The following B4GALT2 variants were observed in gnomAD, a reference collection of about 807,000 sequenced individuals.
B4GALT2 encodes the protein beta-1,4-galactosyltransferase 2.
B4GALT2 carries 18 observed loss-of-function variants against 33.2 expected under a neutral mutation model. The ratio of observed to expected loss-of-function variants is 0.54; its 90% CI spans 0.38 to 0.80. The LOEUF is 0.80. Ranked by LOEUF, B4GALT2 falls within the 30% of genes least tolerant of loss-of-function variation. The probability of loss-of-function intolerance (pLI) is 0.00; values close to 1 mark genes in which losing one functional copy is unlikely to be tolerated. For synonymous variants in B4GALT2, 214 were observed against 217.6 expected, an observed-to-expected ratio of 0.98 and a Z score of 0.15; for missense variants, 404 against 526.2, an observed-to-expected ratio of 0.77 and a Z score of 2.27.
At position 43,979,330 on chromosome 1, in the gene B4GALT2, A is replaced by T. The variant is rs2085567369; in HGVS notation, c.-234A>T. On this transcript the variant is annotated 5_prime_UTR_variant, in exon 1 of 7. The change abolishes an upstream ATG in the 5' untranslated region. Transcript: ENST00000372324. The surrounding 1 kb of genome is among the most constrained non-coding windows in gnomAD (Gnocchi z 4.8). ...CTGCCCCCCGGGGCGGCTCGGCTCC[A>T]TGGCCCGCGGCGGCGGCGGCGGCGG... 2 of 143,630 alleles carry T rather than the reference A, an allele frequency of 1.4e-5. No homozygotes were observed. The highest frequency in any genetic ancestry group is 3.7e-4 in the South Asian group (2 of 5,392). The allele number at this position is 143,630 out of a possible 1,614,324, so 8.9% of individuals were successfully genotyped here.
At chr1:43,989,796 C>T (rs569191923) in intron 6 of B4GALT2, among the ~76,000 whole-genome samples, 184 of 152,226 alleles carry the variant, frequency 1.2e-3, no homozygotes, top group Non-Finnish European at 2.0e-3. Flanking sequence ...GGAACAGGGG[C>T]GTAGGGGTCA....
rs374536791 is a variant in B4GALT2, at chr1:43,981,626, G to T, written c.314-63G>T. 22 of 1,551,118 alleles carry T rather than the reference G, an allele frequency of 1.4e-5. No homozygotes were observed. In the African/African-American group the frequency reaches 3.0e-4, roughly 21 times the overall value. On this transcript the variant is annotated intron_variant, in intron 2 of 6. Transcript: ENST00000372324. This position sits in a 1 kb window ranked among gnomAD's most constrained non-coding sequence, Gnocchi z 8.1. The stretch of plus-strand genomic sequence containing the variant: ...TCCCTAGCCCACCCCCAGGCTGAGG[G>T]TGGGGGCTGGTATCTGTGGATTCTG...
At position 43,981,797 on chromosome 1, in the gene B4GALT2, C is replaced by T; in HGVS notation, c.422C>T (p.Pro141Leu). The change falls in exon 3 of 7, where the codon CCA becomes CTA. Residue 141 changes from proline to leucine, a missense_variant. Transcript: ENST00000372324. This position sits in a 1 kb window ranked among gnomAD's most constrained non-coding sequence, Gnocchi z 8.1. The stretch of plus-strand genomic sequence containing the variant: ...CGATACACACCGCCCGACTGCACCC[C>T]AGCCCAGACGGTGGCGGTCATCATC... ...GGRYTPPDCTPAQTVAVIIPF... is the reference protein window; with the variant it reads ...GGRYTPPDCTLAQTVAVIIPF... 6.2e-7 allele frequency: 1 copy of T among 1,613,820 alleles called. No homozygotes were observed. Among genetic ancestry groups the T allele is most frequent in the Non-Finnish European group, 8.5e-7 (1 of 1,180,026 alleles).
At position 43,990,569 on chromosome 1, in the gene B4GALT2, T is replaced by C. The variant is rs557216609; in HGVS notation, c.*121T>C. 7.3e-7 allele frequency: 1 copy of C among 1,372,300 alleles called. No individual in the cohort carries two copies. The highest frequency in any genetic ancestry group is 2.3e-5 in the East Asian group (1 of 43,250). The allele number at this position is 1,372,300 out of a possible 1,614,324, so 85.0% of individuals were successfully genotyped here. On this transcript the variant is annotated 3_prime_UTR_variant, in exon 7 of 7. Transcript: ENST00000372324. ...GAGACTGGGCTCTGTTTTCCAAGGG[T>C]CTTCACTAGGCCCCCTAGCTACACC...
intron 6 of B4GALT2, among the ~76,000 whole-genome samples, chr1:43,989,692 A>C (rs1301067200): frequency 6.6e-6 from 1 of 152,212 alleles, no homozygotes; most frequent in African/African-American, 2.4e-5. Flanking sequence ...AGCCTCTGTA[A>C]GCTGGCTAGA....
chr1:43,981,176 G>A lies in B4GALT2; in HGVS notation c.16G>A (p.Gly6Arg), dbSNP rs547278358. The A allele has an allele frequency of 2.5e-6, 4 of 1,599,974 alleles. No individual in the cohort carries two copies. The highest frequency in any genetic ancestry group is 1.7e-5 in the Admixed American group (1 of 60,000). The stretch of plus-strand genomic sequence containing the variant: ...CGCCTGCGGGATGAGCAGACTGCTG[G>A]GGGGGACGCTGGAGCGCGTCTGCAA... MSRLLGGTLERVCKAV... is the reference protein window; with the variant it reads MSRLLRGTLERVCKAV... Residue 6 changes from glycine to arginine, a missense_variant, in exon 2 of 7, where the codon GGG becomes AGG. By Grantham distance (125) the Gly-to-Arg change is moderately radical. Transcript: ENST00000372324. This position sits in a 1 kb window ranked among gnomAD's most constrained non-coding sequence, Gnocchi z 8.1.
chr1:43,988,900 C>G (rs540839589), intron 6 of B4GALT2, among the ~76,000 whole-genome samples: 1 of 147,450 alleles, frequency 6.8e-6, no homozygotes, highest in Admixed American at 6.8e-5. Flanking sequence ...GGGTGTCAGA[C>G]GTCTGTTTTC....
rs1390800479 is a variant in B4GALT2 at position 43,982,071 on chromosome 1, AGT to A, written c.549+153_549+154del. ...AGTGTGCACAGGAATGTGTACGCAC[AGT>A]GTGTGCATGTGAATGTTGGCATGCA... On this transcript the variant is annotated intron_variant, in intron 3 of 6. Transcript: ENST00000372324. This position sits in a 1 kb window ranked among gnomAD's most constrained non-coding sequence, Gnocchi z 4.3. The A allele has an allele frequency of 2.5e-6, 2 of 788,502 alleles. No homozygotes were observed. The highest frequency in any genetic ancestry group is 3.5e-5 in the African/African-American group (2 of 57,652). The allele number at this position is 788,502 out of a possible 1,614,324, so 48.8% of individuals were successfully genotyped here.
chr1:43,985,313 G>A lies in B4GALT2; in HGVS notation c.776G>A (p.Gly259Asp). 1 of 1,613,446 alleles carries A rather than the reference G, an allele frequency of 6.2e-7. No homozygotes were observed. The highest frequency in any genetic ancestry group is 8.5e-7 in the Non-Finnish European group (1 of 1,179,688). Reference sequence around the variant, plus strand: ...GCTGGCTACTTTGGAGGTGTGTCAGGCCTGAGTAAGGCTCAGTTTCTGAGA... The same window carrying A: ...GCTGGCTACTTTGGAGGTGTGTCAGACCTGAGTAAGGCTCAGTTTCTGAGA... Reference protein sequence around the residue: ...PYAGYFGGVSGLSKAQFLRIN... With the variant: ...PYAGYFGGVSDLSKAQFLRIN... Residue 259 changes from glycine to aspartate, a missense_variant, in exon 5 of 7, where the codon GGC becomes GAC. Physicochemically the swap from Gly to Asp is moderately conservative, Grantham distance 94. Transcript: ENST00000372324.
Position 43,990,688 on chromosome 1 carries a change from T to TC in B4GALT2, c.*245dup. The stretch of plus-strand genomic sequence containing the variant: ...GAGTCAACCCTCCTTCCCGACCCCC[T>TC]CCCCCTAGCCCAGCCCCAGTCACTG... On this transcript the variant is annotated 3_prime_UTR_variant, in exon 7 of 7. Transcript: ENST00000372324. The TC allele has an allele frequency of 1.9e-6, 1 of 533,538 alleles. No individual in the cohort carries two copies. 33.1% of individuals were successfully genotyped at this position (533,538 alleles called of 1,614,324 possible).
At chr1:43,985,916 AT>A in intron 6 of B4GALT2, 1 of 464,736 alleles carries the variant, frequency 2.2e-6, no homozygotes, top group Non-Finnish European at 3.9e-6. Context: ...CTAAATAGTC[AT>A]TGAGTAGATT....
At chr1:43,985,427 G>C in intron 5 of B4GALT2, 27 bp downstream of exon 5, 2 of 1,248,694 alleles carry the variant, frequency 1.6e-6, no homozygotes, top group Non-Finnish European at 2.2e-6. Flanking sequence ...TGGGGAATAG[G>C]CTGGGTGGGG....
intron 1 of B4GALT2, among the ~76,000 whole-genome samples, chr1:43,980,860 A>G (rs1262224001): frequency 6.6e-6 from 1 of 152,102 alleles, no homozygotes; most frequent in Non-Finnish European, 1.5e-5. Context: ...TGTGTCAGTG[A>G]GGTGGAGGAA....
rs1485104805 is a variant in B4GALT2, at chr1:43,985,627, C to G, written c.968+6C>G. 6.2e-7 allele frequency: 1 copy of G among 1,613,324 alleles called. No homozygotes were observed. Among genetic ancestry groups the G allele is most frequent in the Admixed American group, 1.7e-5 (1 of 59,990 alleles). On this transcript the variant is annotated splice_donor_region_variant and intron_variant, in intron 6 of 6. Transcript: ENST00000372324. Reference sequence around the variant, plus strand: ...AACGAACCTAACCCTCAGAGGTGACCCCAGCACCCTCACCCCTTACTCCCC... The same window carrying G: ...AACGAACCTAACCCTCAGAGGTGACGCCAGCACCCTCACCCCTTACTCCCC...
rs1331887836 is a variant in B4GALT2 at position 43,979,217 on chromosome 1, C to T, written c.-347C>T. ...GGCGCGCGGGCCGGGCCTGCCCCTC[C>T]GAGGCGCCGTAGCGCGGGAGGGAGG... On this transcript the variant is annotated 5_prime_UTR_variant, in exon 1 of 7. Coordinates refer to ENST00000372324, the MANE Select transcript of B4GALT2 (RefSeq NM_003780.5). This position sits in a 1 kb window ranked among gnomAD's most constrained non-coding sequence, Gnocchi z 4.8. 2 of 145,910 alleles carry T rather than the reference C, an allele frequency of 1.4e-5. No homozygotes were observed. Among genetic ancestry groups the T allele is most frequent in the African/African-American group, 4.9e-5 (2 of 40,626 alleles). 9.0% of individuals were successfully genotyped at this position (145,910 alleles called of 1,614,324 possible).
Position 43,981,094 on chromosome 1 carries a change from T to C in B4GALT2, c.-52-15T>C, listed in dbSNP as rs1460417105. On this transcript the variant is annotated splice_polypyrimidine_tract_variant and intron_variant, in intron 1 of 6. Coordinates refer to ENST00000372324, the MANE Select transcript of B4GALT2 (RefSeq NM_003780.5). The surrounding 1 kb of genome is among the most constrained non-coding windows in gnomAD (Gnocchi z 8.1). The stretch of plus-strand genomic sequence containing the variant: ...CCCTGACCTGCTGGATCTGTTTCCC[T>C]CCCACCCTGCTCAGGCCAGCAGCCG... 6.4e-7 allele frequency: 1 copy of C among 1,554,014 alleles called. No homozygotes were observed. The highest frequency in any genetic ancestry group is 8.7e-7 in the Non-Finnish European group (1 of 1,155,286).
At position 43,984,252 on chromosome 1, in the gene B4GALT2, T is replaced by A. The variant is rs1270216821; in HGVS notation, c.550-613T>A. 1.3e-5 allele frequency among the ~76,000 whole-genome samples: 2 copies of A among 152,244 alleles called. No individual in the cohort carries two copies. On this transcript the variant is annotated intron_variant, in intron 3 of 6. Transcript: ENST00000372324. The surrounding 1 kb of genome is among the most constrained non-coding windows in gnomAD (Gnocchi z 5.6). The stretch of plus-strand genomic sequence containing the variant: ...CTCAGAGGCTGCCCAGGCAGCCGGA[T>A]GCAGCTCCAGGGAGCCTGAGGCTCC...
In B4GALT2 at chr1:43,981,576, G is replaced by GTT; in HGVS notation, c.313+104_313+105dup. On this transcript the variant is annotated intron_variant, in intron 2 of 6. Transcript: ENST00000372324. The surrounding 1 kb of genome is among the most constrained non-coding windows in gnomAD (Gnocchi z 8.1). ...AGGGGTGTGCCAGGGGTCCAGGTCT[G>GTT]TTGTAAGAGGGCTATTCTTGGGGTT... is the stretch of plus-strand genomic sequence containing the variant. 1 of 1,528,440 alleles carries GTT rather than the reference G, an allele frequency of 6.5e-7. No individual in the cohort carries two copies. Among genetic ancestry groups the GTT allele is most frequent in the Non-Finnish European group, 8.8e-7 (1 of 1,136,754 alleles). 94.7% of individuals were successfully genotyped at this position (1,528,440 alleles called of 1,614,324 possible).
rs2085644768 is a variant in B4GALT2 at position 43,985,383 on chromosome 1, T to G, written c.846T>G (p.Asp282Glu). ...PNEYWGWGGE[D>E]DDIFNRISLT... ...AGTACTGGGGCTGGGGTGGCGAGGA[T>G]GATGACATCTTCAACCGGTGAGTAA... The change falls in exon 5 of 7, where the codon GAT becomes GAG. Residue 282 changes from aspartate to glutamate, a missense_variant. Transcript: ENST00000372324. The G allele has an allele frequency of 6.3e-7, 1 of 1,575,422 alleles. No individual in the cohort carries two copies. Among genetic ancestry groups the G allele is most frequent in the South Asian group, 1.1e-5 (1 of 90,116 alleles).
Sources: allele counts gnomAD v4.1 joint callset (sites outside exome capture counted in the v4.1 genomes callset), GRCh38; gene constraint gnomAD v4.1.1; non-coding constraint Gnocchi (gnomAD v3.1); transcripts MANE v1.5; gene names NCBI Gene and HGNC (gene_info 2026-07-23, HGNC 2026-07-21).